The following BRI3 variants were observed in gnomAD, a reference collection of about 807,000 sequenced individuals.
BRI3 encodes brain protein I3.
Under a neutral mutation model 12.8 loss-of-function variants are expected in BRI3, and 6 were observed. That is an observed-to-expected ratio of 0.47 (90% CI 0.26 to 0.93). The LOEUF (loss-of-function observed/expected upper bound fraction) is 0.93. Ranked by LOEUF, BRI3 falls within the 40% of genes least tolerant of loss-of-function variation. The pLI, the probability that BRI3 is intolerant of heterozygous loss-of-function variation, is 0.15. For synonymous variants in BRI3, 91 were observed against 76.1 expected (o/e 1.20, Z -1.02); for missense variants, 134 against 171.1 (o/e 0.78, Z 1.21).
intron 2 of BRI3, among the ~76,000 whole-genome samples, chr7:98,290,096 T>C (rs1490854291): frequency 2.0e-5 from 3 of 151,710 alleles, no homozygotes; most frequent in Non-Finnish European, 4.4e-5. Context: ...CAAACCTGAC[T>C]GGATCACTAA....
chr7:98,285,930 C>A (rs1288090025), intron 2 of BRI3, among the ~76,000 whole-genome samples: 1 of 152,186 alleles, frequency 6.6e-6, no homozygotes, highest in Non-Finnish European at 1.5e-5. Context: ...CTTTTCCTGG[C>A]GAGGCCTGGC....
At chr7:98,307,104 C>T (rs1226694768) in intron 1 of BRI3, 1 of 159,170 alleles carries the variant, frequency 6.3e-6, no homozygotes, top group Non-Finnish European at 1.4e-5. Context: ...TTCAATAAAT[C>T]AAATGCTAAT....
chr7:98,285,508 G>A (rs1228213739), intron 2 of BRI3, among the ~76,000 whole-genome samples: 2 of 152,214 alleles, frequency 1.3e-5, no homozygotes, highest in African/African-American at 2.4e-5. Flanking sequence ...GGCCTGAGGT[G>A]TGGGGGCAGC....
chr7:98,302,791 A>AT (rs1800483134), upstream of BRI3, among the ~76,000 whole-genome samples: 1 of 151,846 alleles, frequency 6.6e-6, no homozygotes, highest in South Asian at 2.1e-4. Context: ...ACTGTAAACC[A>AT]TTTTTCTTTT....
At chr7:98,317,087 A>G in the BRI3 span, 1 of 1,162,640 alleles carries the variant, frequency 8.6e-7, no homozygotes, top group Non-Finnish European at 1.2e-6. Flanking sequence ...TCCTGACCTC[A>G]TATGATCCTA....
At chr7:98,301,212 A>G (rs2116822753) in intron 1 of BRI3, among the ~76,000 whole-genome samples, 1 of 152,270 alleles carries the variant, frequency 6.6e-6, no homozygotes, top group East Asian at 1.9e-4. Context: ...CTCAGCTGCC[A>G]TCAGTGATAA....
At chr7:98,320,001 C>G in the BRI3 span, 1 of 1,441,806 alleles carries the variant, frequency 6.9e-7, no homozygotes, top group Non-Finnish European at 9.6e-7. Context: ...CGAGTTCTCC[C>G]CAGGCTGGGA....
chr7:98,302,416 T>C (rs1009710130), upstream of BRI3, among the ~76,000 whole-genome samples: 3 of 152,202 alleles, frequency 2.0e-5, no homozygotes, highest in Non-Finnish European at 4.4e-5. Flanking sequence ...AGCAGCAGGC[T>C]AGGCGAACAT....
chr7:98,298,413 T>C (rs1022158354), intron 1 of BRI3, among the ~76,000 whole-genome samples: 3 of 152,112 alleles, frequency 2.0e-5, no homozygotes, highest in South Asian at 2.1e-4. Flanking sequence ...GAGATCGAGA[T>C]CATCCTGGCT....
At chr7:98,317,456 C>G in the BRI3 span, 173 of 1,432,652 alleles carry the variant, frequency 1.2e-4, 3 homozygotes, top group Middle Eastern at 7.1e-3. Flanking sequence ...CTCAACGGGG[C>G]CCTGACACCC....
rs190145321 is a variant in BRI3 at position 98,307,960 on chromosome 7, T to C, written n.590T>C. 1.6e-5 allele frequency: 23 copies of C among 1,470,574 alleles called. No homozygotes were observed. The South Asian group carries it at 2.6e-4, about 17-fold the overall frequency. 91.1% of individuals were successfully genotyped at this position (1,470,574 alleles called of 1,614,324 possible). A position where few individuals can be genotyped will look rare whatever the true frequency, so the allele number is the denominator to read the frequency against. ...ATGAGAATCAATAGGCACATTCCAA[T>C]GAGCAAACCCCAGGAATCCACCTGT... On this transcript the variant is annotated non_coding_transcript_exon_variant, in exon 2 of 2. Transcript: ENST00000485422.
chr7:98,321,848 G>C, the BRI3 span, among the ~76,000 whole-genome samples: 1 of 152,168 alleles, frequency 6.6e-6, no homozygotes, highest in African/African-American at 2.4e-5. Context: ...TGTCATCCTA[G>C]CACTTTTGGG....
chr7:98,322,379 C>T, the BRI3 span, among the ~76,000 whole-genome samples: 1 of 152,168 alleles, frequency 6.6e-6, no homozygotes, highest in Non-Finnish European at 1.5e-5. Flanking sequence ...TCATCCTCGA[C>T]ATGTCTCAAA....
downstream of BRI3, among the ~76,000 whole-genome samples, chr7:98,295,163 C>T (rs1234828142): frequency 6.6e-6 from 1 of 152,206 alleles, no homozygotes; most frequent in Non-Finnish European, 1.5e-5. Flanking sequence ...AGCGCTAGAG[C>T]GCAGGCCGTT....
chr7:98,303,157 T>C (rs184434086), upstream of BRI3, among the ~76,000 whole-genome samples: 36 of 152,312 alleles, frequency 2.4e-4, no homozygotes, highest in African/African-American at 7.2e-4. Context: ...CAGTCTACAA[T>C]GAGGCAGGTC....
chr7:98,287,609 C>CAGTGGG (rs1486608027), intron 2 of BRI3, among the ~76,000 whole-genome samples: 1 of 152,200 alleles, frequency 6.6e-6, no homozygotes, highest in Non-Finnish European at 1.5e-5. Context: ...TGGCCCGTGG[C>CAGTGGG]AGTGGGAGTG....
chr7:98,321,165 G>A, the BRI3 span, among the ~76,000 whole-genome samples: 1 of 152,000 alleles, frequency 6.6e-6, no homozygotes, highest in African/African-American at 2.4e-5. Context: ...GGCCCACGTG[G>A]CCCTTTCTAT....
intron 2 of BRI3, among the ~76,000 whole-genome samples, chr7:98,288,480 A>G (rs1430038107): frequency 6.6e-6 from 1 of 151,886 alleles, no homozygotes. Context: ...GGGCTTAAAT[A>G]GGGGACACAT....
downstream of BRI3, among the ~76,000 whole-genome samples, chr7:98,313,982 CTTTTTTTTTTT>C (rs35599338): frequency 2.0e-5 from 2 of 100,940 alleles, no homozygotes; most frequent in Non-Finnish European, 3.9e-5. Flanking sequence ...CTTTTTCTTC[CTTTTTTTTTTT>C]TTTTTTTTTT....
Sources: allele counts gnomAD v4.1 joint callset (sites outside exome capture counted in the v4.1 genomes callset), GRCh38; gene constraint gnomAD v4.1.1; transcripts MANE v1.5; gene names NCBI Gene and HGNC (gene_info 2026-07-23, HGNC 2026-07-21).